Variants in USP24 observed in about 807,000 individuals in gnomAD.
USP24 encodes ubiquitin specific peptidase 24.
Under a neutral mutation model 361.6 loss-of-function variants are expected in USP24, and 97 were observed. The ratio of observed to expected loss-of-function variants is 0.27; its 90% CI spans 0.23 to 0.32. The LOEUF is 0.32. Among genes scored for constraint, USP24 ranks in the 10% least tolerant of loss-of-function variants. The probability of loss-of-function intolerance (pLI) is 1.00; values close to 1 mark genes in which losing one functional copy is unlikely to be tolerated. For synonymous variants in USP24, 1,098 were observed against 1,124.6 expected, an observed-to-expected ratio of 0.98 and a Z score of 0.47; for missense variants, 2,353 against 3,165.6, an observed-to-expected ratio of 0.74 and a Z score of 6.16.
chr1:55,094,308 T>A (rs987015040), intron 51 of USP24, among the ~76,000 whole-genome samples: 1 of 152,292 alleles, frequency 6.6e-6, no homozygotes, highest in Middle Eastern at 3.4e-3. Context: ...CTGATTGACA[T>A]TATAGAAGAT....
At chr1:55,158,643 G>T (rs753156203) in intron 10 of USP24, among the ~76,000 whole-genome samples, 2 of 152,106 alleles carry the variant, frequency 1.3e-5, no homozygotes, top group Non-Finnish European at 2.9e-5. Flanking sequence ...TATATTCTAG[G>T]AAATTTCACA....
chr1:55,172,282 AATT>A (rs1009188905), intron 4 of USP24, 92 bp downstream of exon 4: 5 of 1,183,566 alleles, frequency 4.2e-6, no homozygotes, highest in Admixed American at 3.5e-5. Context: ...TTAACGATAA[AATT>A]ATTATCACTC....
chr1:55,147,893 T>A, intron 17 of USP24, 95 bp from the exon 18 acceptor site: 1 of 1,303,528 alleles, frequency 7.7e-7, no homozygotes, highest in South Asian at 1.5e-5. Flanking sequence ...TAGTCCTAGA[T>A]GAGACAAAGC....
chr1:55,105,383 T>G (rs1243258673), intron 41 of USP24, among the ~76,000 whole-genome samples: 3 of 152,230 alleles, frequency 2.0e-5, no homozygotes, highest in African/African-American at 7.2e-5. Flanking sequence ...GAGAAATATT[T>G]ATATGTGATA....
chr1:55,115,388 T>G (rs914445694), intron 38 of USP24, among the ~76,000 whole-genome samples: 23 of 144,686 alleles, frequency 1.6e-4, no homozygotes, highest in African/African-American at 5.4e-4. Context: ...CCCAGCTACC[T>G]GGGAGGCTGA....
At chr1:55,214,307 T>A (rs1644926155) in intron 1 of USP24, among the ~76,000 whole-genome samples, 1 of 151,930 alleles carries the variant, frequency 6.6e-6, no homozygotes. Context: ...ACACCGCTTT[T>A]TCTGACTCTG....
chr1:55,148,665 G>T, intron 16 of USP24, 95 bp from the exon 17 acceptor site: 1 of 855,562 alleles, frequency 1.2e-6, no homozygotes, highest in Non-Finnish European at 1.8e-6. Flanking sequence ...CAGGTTTACT[G>T]TTACACATTT....
At chr1:55,147,455 A>T (rs1004377186) in intron 18 of USP24, among the ~76,000 whole-genome samples, 194 bp downstream of exon 18, 16 of 152,328 alleles carry the variant, frequency 1.1e-4, no homozygotes, top group African/African-American at 3.6e-4. Flanking sequence ...TCAAAGACAA[A>T]AAAAAGATGT....
chr1:55,096,404 ATC>A, intron 50 of USP24, 92 bp downstream of exon 50: 1 of 1,072,680 alleles, frequency 9.3e-7, no homozygotes, highest in Non-Finnish European at 1.2e-6. Context: ...AAATAACAAA[ATC>A]TGTTGTGTTT....
At chr1:55,133,639 T>TC (rs1491386672) in intron 30 of USP24, among the ~76,000 whole-genome samples, 17 of 6,376 alleles carry the variant, frequency 2.7e-3, no homozygotes, top group Non-Finnish European at 5.3e-3. Context: ...TCTCTCTCTC[T>TC]TTTTTTTTTT....
At chr1:55,142,030 TG>T (rs762977924) in intron 23 of USP24, among the ~76,000 whole-genome samples, 64 of 152,176 alleles carry the variant, frequency 4.2e-4, no homozygotes, top group Non-Finnish European at 8.7e-4. Flanking sequence ...TTCGAATACT[TG>T]AATTTTTTTT....
chr1:55,077,260 G>A lies in USP24; in HGVS notation c.7355C>T (p.Thr2452Met), dbSNP rs866884740. ...ETAPPHELKN[T>M]FQLLHEILVI... is the part of the protein sequence containing the mutation. ...CAATATTTCATGAAGTAGTTGGAAC[G>A]TATTCTTTAACTCATGAGGTGGAGC... Residue 2452 changes from threonine to methionine, a missense_variant, in exon 62 of 68, where the codon ACG becomes ATG. Thr to Met is a moderately conservative substitution (Grantham distance 81). Coordinates refer to ENST00000294383, the MANE Select transcript of USP24 (RefSeq NM_015306.3). 3.8e-6 allele frequency: 6 copies of A among 1,563,174 alleles called. No homozygotes were observed. Among genetic ancestry groups the A allele is most frequent in the African/African-American group, 1.3e-5 (1 of 74,222 alleles).
intron 13 of USP24, 26 bp downstream of exon 13, chr1:55,154,645 G>A: frequency 6.3e-7 from 1 of 1,597,124 alleles, no homozygotes; most frequent in East Asian, 2.2e-5. Flanking sequence ...AAATTTAAAA[G>A]TAAGCAAGTC....
chr1:55,107,841 CAAAAAA>C (rs777328294), intron 39 of USP24, among the ~76,000 whole-genome samples: 25 of 38,258 alleles, frequency 6.5e-4, no homozygotes, highest in African/African-American at 2.3e-3. Context: ...GACTCTGTCT[CAAAAAA>C]AAAAAAAAAA....
At chr1:55,109,171 T>G (rs1645877572) in intron 39 of USP24, among the ~76,000 whole-genome samples, 1 of 152,046 alleles carries the variant, frequency 6.6e-6, no homozygotes. Context: ...TGTTTTTGGT[T>G]TCACCATGTC....
intron 38 of USP24, among the ~76,000 whole-genome samples, chr1:55,117,456 C>T (rs1225040169): frequency 5.9e-5 from 9 of 152,194 alleles, no homozygotes; most frequent in African/African-American, 2.2e-4. Context: ...TGGCCGGGCG[C>T]GGTGGCTCAC....
intron 55 of USP24, among the ~76,000 whole-genome samples, chr1:55,087,114 A>G (rs2100451337): frequency 6.6e-6 from 1 of 152,356 alleles, no homozygotes; most frequent in East Asian, 1.9e-4. Flanking sequence ...CTAAAATATG[A>G]GTATAGTATA....
chr1:55,112,569 T>C (rs1391920177), intron 38 of USP24, among the ~76,000 whole-genome samples: 2 of 152,228 alleles, frequency 1.3e-5, no homozygotes, highest in South Asian at 2.1e-4. Context: ...TCAGTTTCCA[T>C]GTAGTTGTGC....
At chr1:55,187,904 T>C (rs1315019998) in intron 1 of USP24, among the ~76,000 whole-genome samples, 1 of 152,124 alleles carries the variant, frequency 6.6e-6, no homozygotes, top group Non-Finnish European at 1.5e-5. Flanking sequence ...AGCTAGTTTC[T>C]TTGCAAAAAA....
Sources: gnomAD v4.1 joint callset for allele counts (sites outside exome capture counted in the v4.1 genomes callset) on GRCh38, gnomAD v4.1.1 for gene constraint, MANE v1.5 for transcripts, NCBI Gene and HGNC (gene_info 2026-07-23, HGNC 2026-07-21) for gene names.